NEK8: variants seen among roughly 807,000 people sequenced by gnomAD.
The protein encoded by NEK8 is NIMA related kinase 8.
NEK8 carries 51 observed loss-of-function variants against 77.2 expected under a neutral mutation model. The ratio of observed to expected loss-of-function variants is 0.66; its 90% CI spans 0.53 to 0.83. The LOEUF (loss-of-function observed/expected upper bound fraction) is 0.83. Ranked by LOEUF, NEK8 falls within the 40% of genes least tolerant of loss-of-function variation. NEK8 has a pLI of 0.00. For missense variants in NEK8, 787 were observed against 909.2 expected, an observed-to-expected ratio of 0.87 and a Z score of 1.73; for synonymous variants, 365 against 363.2, an observed-to-expected ratio of 1.00 and a Z score of -0.06.
Position 28,742,260 on chromosome 17 carries a change from G to C in NEK8, c.*273G>C. ...TGGCTAGAGTTAGAAGGCAGACCTA[G>C]CCTTTGGAAGCAGGGTGGCCTCCAG... is the stretch of plus-strand genomic sequence containing the variant. On this transcript the variant is annotated 3_prime_UTR_variant, in exon 15 of 15. Coordinates refer to ENST00000268766, the MANE Select transcript of NEK8 (RefSeq NM_178170.3). 1.8e-6 allele frequency: 1 copy of C among 570,584 alleles called. No homozygotes were observed. The highest frequency in any genetic ancestry group is 3.1e-6 in the Non-Finnish European group (1 of 317,876). 35.3% of individuals were successfully genotyped at this position (570,584 alleles called of 1,614,324 possible).
At chr17:28,736,663 G>C (rs1284429467) in intron 4 of NEK8, among the ~76,000 whole-genome samples, 10 of 152,174 alleles carry the variant, frequency 6.6e-5, no homozygotes, top group Admixed American at 2.0e-4. Context: ...GTAGATTCTG[G>C]ATATTAGCCC....
intron 8 of NEK8, 122 bp downstream of exon 8, chr17:28,738,367 C>G: frequency 8.2e-7 from 1 of 1,217,936 alleles, no homozygotes; most frequent in Non-Finnish European, 1.2e-6. Context: ...GTTATTGCTT[C>G]TGTCTAGTAA....
chr17:28,734,293 G>T, intron 2 of NEK8, 105 bp downstream of exon 2: 2 of 1,031,696 alleles, frequency 1.9e-6, no homozygotes. Flanking sequence ...ATGGCCAAGG[G>T]TTAGAGTTCT....
At position 28,734,168 on chromosome 17, in the gene NEK8, T is replaced by A; in HGVS notation, c.233T>A (p.Ile78Asn). 6.2e-7 allele frequency: 1 copy of A among 1,614,208 alleles called. No homozygotes were observed. Among genetic ancestry groups the A allele is most frequent in the Non-Finnish European group, 8.5e-7 (1 of 1,180,034 alleles). Residue 78 changes from isoleucine (I) to asparagine (N), a missense_variant, in exon 2 of 15, where the codon ATC becomes AAC. Ile to Asn is a moderately radical substitution (Grantham distance 149). Coordinates refer to ENST00000268766, the MANE Select transcript of NEK8 (RefSeq NM_178170.3). ...TTCCTGGAAGACAAAGCCCTTATGA[T>A]CGCCATGGAATATGCACCAGGTGGG... ...ENFLEDKALM[I>N]AMEYAPGGTL...
At chr17:28,729,415 G>A (rs2034284025) in intron 1 of NEK8, among the ~76,000 whole-genome samples, 1 of 152,150 alleles carries the variant, frequency 6.6e-6, no homozygotes, top group African/African-American at 2.4e-5. Context: ...GAGTTCAGTG[G>A]CACGATCTTG....
chr17:28,740,541 G>C lies in NEK8; in HGVS notation c.1496G>C (p.Arg499Pro), dbSNP rs770946405. 2.5e-6 allele frequency: 4 copies of C among 1,614,164 alleles called. No individual in the cohort carries two copies. The highest frequency in any genetic ancestry group is 8.5e-7 in the Non-Finnish European group (1 of 1,180,012). The stretch of plus-strand genomic sequence containing the variant: ...ATGCCCCCAGGACAGGAAGCTCAGC[G>C]AGTTGTATGTGGTATCGATTCCTCC... ...VPMPPGQEAQ[R>P]VVCGIDSSMI... Residue 499 changes from arginine to proline, a missense_variant, in exon 11 of 15, where the codon CGA becomes CCA. Around this residue, in one of 2 missense-constraint regions of NEK8, gnomAD observed 516 missense variants for 544.0 expected, o/e 0.95. Transcript: ENST00000268766. This position sits in a 1 kb window ranked among gnomAD's most constrained non-coding sequence, Gnocchi z 4.7.
intron 10 of NEK8, 104 bp downstream of exon 10, chr17:28,739,305 T>C (rs2034397850): frequency 1.2e-6 from 1 of 810,354 alleles, no homozygotes; most frequent in Non-Finnish European, 2.2e-6. Context: ...TTCCCTCTTT[T>C]CTCTCAAATT....
chr17:28,738,575 C>G, intron 8 of NEK8, 96 bp from the exon 9 acceptor site: 1 of 1,104,008 alleles, frequency 9.1e-7, no homozygotes, highest in Non-Finnish European at 1.4e-6. Context: ...TGGTCCCCAA[C>G]TTTATTTTGC....
At chr17:28,730,858 G>A (rs982870121) in intron 1 of NEK8, among the ~76,000 whole-genome samples, 7 of 152,186 alleles carry the variant, frequency 4.6e-5, no homozygotes, top group African/African-American at 1.7e-4. Context: ...GGGAGGTGGA[G>A]GCTGTAGTAA....
rs2034351078 is a variant in NEK8, at chr17:28,735,168, C to T, written c.487-72C>T. On this transcript the variant is annotated intron_variant, in intron 3 of 14. Coordinates refer to ENST00000268766, the MANE Select transcript of NEK8 (RefSeq NM_178170.3). ...GCTTGCTTTGAGAAGAAGCTGTCCC[C>T]AAATGGGCTTATGCACAGAGCCCCT... 4 of 1,600,828 alleles carry T rather than the reference C, an allele frequency of 2.5e-6. No homozygotes were observed. In the Admixed American group the frequency reaches 6.8e-5, roughly 27 times the overall value.
In NEK8 at chr17:28,743,203, C is replaced by T. The variant is rs907636229; in HGVS notation, c.*1216C>T. The T allele has an allele frequency of 1.3e-5, 2 of 152,094 alleles. No individual in the cohort carries two copies. The highest frequency in any genetic ancestry group is 4.8e-5 in the African/African-American group (2 of 41,402). 9.4% of individuals were successfully genotyped at this position (152,094 alleles called of 1,614,324 possible). A position where few individuals can be genotyped will look rare whatever the true frequency, so the allele number is the denominator to read the frequency against. On this transcript the variant is annotated 3_prime_UTR_variant, in exon 15 of 15. Transcript: ENST00000268766. ...AGGCCTGCCTAGCTTCTGCATAGCC[C>T]GGGGCTGGGCGGTCCCCGGGAGTGC...
At chr17:28,732,469 G>T (rs2034317750) in intron 1 of NEK8, among the ~76,000 whole-genome samples, 1 of 151,200 alleles carries the variant, frequency 6.6e-6, no homozygotes, top group African/African-American at 2.4e-5. Flanking sequence ...TGGATTTACA[G>T]TATTGCAGAG....
At chr17:28,738,334 T>A in intron 8 of NEK8, 89 bp downstream of exon 8, 1 of 1,441,374 alleles carries the variant, frequency 6.9e-7, no homozygotes, top group Non-Finnish European at 9.7e-7. Context: ...ACTTAATGAA[T>A]GCTTCTGTCT....
Position 28,741,342 on chromosome 17 carries a change from A to G in NEK8, c.1892-71A>G. On this transcript the variant is annotated intron_variant, in intron 13 of 14. Transcript: ENST00000268766. This position sits in a 1 kb window ranked among gnomAD's most constrained non-coding sequence, Gnocchi z 4.5. ...GGAGCCTCCCAGGGGCCATCCTGGCAATGTGGGAGGGGAGATCCTGCTCGG... is the reference window on the plus strand; with the variant it reads ...GGAGCCTCCCAGGGGCCATCCTGGCGATGTGGGAGGGGAGATCCTGCTCGG... The G allele has an allele frequency of 1.2e-6, 2 of 1,600,946 alleles. No individual in the cohort carries two copies. Among genetic ancestry groups the G allele is most frequent in the Non-Finnish European group, 1.7e-6 (2 of 1,172,882 alleles).
Position 28,729,008 on chromosome 17 carries a change from C to T in NEK8, c.47+148C>T, listed in dbSNP as rs7211220. The T allele has an allele frequency of 0.096, 69,965 of 726,040 alleles. 3,881 individuals are homozygous for T. Among genetic ancestry groups the T allele is most frequent in the East Asian group, 0.16 (5,804 of 37,024 alleles). The allele number at this position is 726,040 out of a possible 1,614,324, so 45.0% of individuals were successfully genotyped here. A position where few individuals can be genotyped will look rare whatever the true frequency, so the allele number is the denominator to read the frequency against. The stretch of plus-strand genomic sequence containing the variant: ...CGCCCAAGCTTCCGGTCCCAGTCCC[C>T]CGGGGAGACTCCGCCTCTACGGAGG... On this transcript the variant is annotated intron_variant, in intron 1 of 14. Transcript: ENST00000268766.
chr17:28,740,237 T>G lies in NEK8; in HGVS notation c.1418-226T>G, dbSNP rs1456098715. Among the ~76,000 whole-genome samples, 1 of 152,060 alleles carries G rather than the reference T, an allele frequency of 6.6e-6. No individual in the cohort carries two copies. The highest frequency in any genetic ancestry group is 2.4e-5 in the African/African-American group (1 of 41,378). ...AGGCAGAGGTTGCAGTGAGTGAAGA[T>G]CATACCCTTGTACTCCAGCCTTGGC... On this transcript the variant is annotated intron_variant, in intron 10 of 14. Transcript: ENST00000268766. This position sits in a 1 kb window ranked among gnomAD's most constrained non-coding sequence, Gnocchi z 4.7.
chr17:28,733,925 G>A (rs572442707), intron 1 of NEK8, 58 bp from the exon 2 acceptor site: 1 of 1,485,356 alleles, frequency 6.7e-7, no homozygotes, highest in East Asian at 2.3e-5. Context: ...GCACCGCCCT[G>A]CCTGATATGT....
chr17:28,738,181 G>GGGCCAGTCGGGTGTGACCATCAAGCAC lies in NEK8; in HGVS notation c.1160_1186dup (p.Gly387_His395dup). 1 of 1,614,186 alleles carries GGGCCAGTCGGGTGTGACCATCAAGCAC rather than the reference G, an allele frequency of 6.2e-7. No individual in the cohort carries two copies. Among genetic ancestry groups the GGGCCAGTCGGGTGTGACCATCAAGCAC allele is most frequent in the African/African-American group, 1.3e-5 (1 of 75,054 alleles). On this transcript the variant is annotated inframe_insertion, in exon 8 of 15. Transcript: ENST00000268766. Reference sequence around the variant, plus strand: ...CCCAGTTCATCTCGCGTTTCCTGGAGGGCCAGTCGGGTGTGACCATCAAGC... The same window carrying GGGCCAGTCGGGTGTGACCATCAAGCAC: ...CCCAGTTCATCTCGCGTTTCCTGGAGGGCCAGTCGGGTGTGACCATCAAGCACGGCCAGTCGGGTGTGACCATCAAGC...
chr17:28,743,291 C>G lies in NEK8; in HGVS notation c.*1304C>G, dbSNP rs1302255060. On this transcript the variant is annotated 3_prime_UTR_variant, in exon 15 of 15. Coordinates refer to ENST00000268766, the MANE Select transcript of NEK8 (RefSeq NM_178170.3). ...TGCTAGACGTCGGCTTGCCTCTCTTCCCCAGCAGGAGGGCAGGAGTCACTA... is the reference window on the plus strand; with the variant it reads ...TGCTAGACGTCGGCTTGCCTCTCTTGCCCAGCAGGAGGGCAGGAGTCACTA... The G allele has an allele frequency of 6.6e-6, 1 of 152,200 alleles. No individual in the cohort carries two copies. Among genetic ancestry groups the G allele is most frequent in the East Asian group, 1.9e-4 (1 of 5,184 alleles). 9.4% of individuals were successfully genotyped at this position (152,200 alleles called of 1,614,324 possible). A position where few individuals can be genotyped will look rare whatever the true frequency, so the allele number is the denominator to read the frequency against.
Sources: allele counts gnomAD v4.1 joint callset (sites outside exome capture counted in the v4.1 genomes callset), GRCh38; gene constraint gnomAD v4.1.1; regional missense constraint gnomAD v4.1.1; non-coding constraint Gnocchi (gnomAD v3.1); transcripts MANE v1.5; gene names NCBI Gene and HGNC (gene_info 2026-07-23, HGNC 2026-07-21).